SGCZ: variants seen among roughly 807,000 people sequenced by gnomAD.
SGCZ encodes the protein zeta-sarcoglycan.
Under a neutral mutation model 41.3 loss-of-function variants are expected in SGCZ, and 40 were observed. The observed-to-expected ratio is 0.97, with a 90% confidence interval of 0.75 to 1.26. SGCZ has a LOEUF of 1.26. Ranked by LOEUF, SGCZ falls within the 50% of genes most tolerant of loss-of-function variation. The pLI, the probability that SGCZ is intolerant of heterozygous loss-of-function variation, is 0.00. For synonymous variants in SGCZ, 206 were observed against 137.5 expected (o/e 1.50, Z -3.49); for missense variants, 552 against 369.8 (o/e 1.49, Z -4.04).
chr8:14,419,451 C>G (rs1332562298), intron 2 of SGCZ, among the ~76,000 whole-genome samples: 2 of 151,684 alleles, frequency 1.3e-5, no homozygotes, highest in African/African-American at 4.8e-5. Context: ...TCTCATTATA[C>G]TTTTGCTATC....
At chr8:14,524,034 C>T (rs976046498) in intron 2 of SGCZ, among the ~76,000 whole-genome samples, 7 of 151,928 alleles carry the variant, frequency 4.6e-5, no homozygotes, top group Non-Finnish European at 1.5e-5. Flanking sequence ...GAGTTTACTT[C>T]TTTTATTACA....
chr8:14,746,364 C>T (rs1049072805), intron 1 of SGCZ, among the ~76,000 whole-genome samples: 1 of 150,492 alleles, frequency 6.6e-6, no homozygotes, highest in Non-Finnish European at 1.5e-5. Context: ...TCAGAAATAC[C>T]TGAATATGCT....
intron 1 of SGCZ, among the ~76,000 whole-genome samples, chr8:15,161,296 G>T (rs907688005): frequency 2.6e-5 from 4 of 152,072 alleles, no homozygotes; most frequent in African/African-American, 9.7e-5. Context: ...CTCCTGTAAG[G>T]TCTTTCCCAG....
intron 4 of SGCZ, 123 bp from the exon 5 acceptor site, chr8:14,164,825 G>T: frequency 8.3e-7 from 1 of 1,201,428 alleles, no homozygotes; most frequent in Non-Finnish European, 1.1e-6. Flanking sequence ...TGTATGTTTT[G>T]CATCTGAGTT....
At chr8:14,904,213 A>G (rs1799057800) in intron 1 of SGCZ, among the ~76,000 whole-genome samples, 1 of 152,028 alleles carries the variant, frequency 6.6e-6, no homozygotes, top group Admixed American at 6.6e-5. Flanking sequence ...TTCTCTGAAA[A>G]TTCTTCCCCC....
chr8:15,102,746 G>A (rs980920142), intron 1 of SGCZ, among the ~76,000 whole-genome samples: 1 of 152,130 alleles, frequency 6.6e-6, no homozygotes, highest in African/African-American at 2.4e-5. Flanking sequence ...ACCAATTTGT[G>A]TATGGAGATT....
rs562403985 is a variant in SGCZ, at chr8:14,644,580, C to T, written c.40-89654G>A. Among the ~76,000 whole-genome samples the T allele has an allele frequency of 1.6e-4, 25 of 151,774 alleles. No individual in the cohort carries two copies. In the South Asian group the frequency reaches 3.3e-3, roughly 20 times the overall value. On this transcript the variant is annotated intron_variant, in intron 1 of 7. Transcript: ENST00000382080. ...TTTTGTATCTCTGGAGATCCTGATT[C>T]GAAAATCAATGAGTTTTGGGTCAAG...
intron 1 of SGCZ, among the ~76,000 whole-genome samples, chr8:14,555,602 C>A (rs1283385136): frequency 6.6e-6 from 1 of 151,878 alleles, no homozygotes; most frequent in African/African-American, 2.4e-5. Flanking sequence ...TGTCAATTAC[C>A]CCGTCTCAAA....
intron 1 of SGCZ, among the ~76,000 whole-genome samples, chr8:14,849,339 A>AAC (rs1344812862): frequency 6.6e-6 from 1 of 152,146 alleles, no homozygotes; most frequent in Non-Finnish European, 1.5e-5. Context: ...ATATCTCACC[A>AAC]AGAAAAAAAT....
At chr8:14,300,584 G>A (rs761923966) in intron 3 of SGCZ, among the ~76,000 whole-genome samples, 6 of 151,864 alleles carry the variant, frequency 4.0e-5, no homozygotes, top group Non-Finnish European at 7.4e-5. Context: ...AGATTAAATA[G>A]CATGACATAG....
At chr8:14,791,308 G>A (rs1800943813) in intron 1 of SGCZ, among the ~76,000 whole-genome samples, 1 of 151,900 alleles carries the variant, frequency 6.6e-6, no homozygotes, top group Non-Finnish European at 1.5e-5. Context: ...CTGACATTGA[G>A]CACATATGCA....
chr8:14,431,795 C>A (rs755468358), intron 2 of SGCZ, among the ~76,000 whole-genome samples: 13 of 152,140 alleles, frequency 8.5e-5, no homozygotes, highest in Non-Finnish European at 2.9e-5. Flanking sequence ...TGACAATGGA[C>A]TAATATCCAG....
intron 4 of SGCZ, among the ~76,000 whole-genome samples, chr8:14,181,036 C>G (rs140720450): frequency 1.3e-5 from 2 of 152,276 alleles, no homozygotes; most frequent in Middle Eastern, 3.4e-3. Flanking sequence ...CTGAATTTAG[C>G]AAGCGGCTAT....
At chr8:14,386,424 G>T (rs1036033089) in intron 2 of SGCZ, among the ~76,000 whole-genome samples, 1 of 152,068 alleles carries the variant, frequency 6.6e-6, no homozygotes, top group South Asian at 2.1e-4. Context: ...TCTAGAAAGC[G>T]GATTAGAAGC....
At chr8:14,583,676 T>C (rs1804968548) in intron 1 of SGCZ, among the ~76,000 whole-genome samples, 1 of 152,182 alleles carries the variant, frequency 6.6e-6, no homozygotes, top group Admixed American at 6.5e-5. Context: ...TTGAATCCAC[T>C]CTTAAAAATT....
intron 1 of SGCZ, among the ~76,000 whole-genome samples, chr8:15,000,263 C>G: frequency 6.6e-6 from 1 of 152,116 alleles, no homozygotes; most frequent in East Asian, 1.9e-4. Context: ...GAAAATATTT[C>G]TGTTGTTTAA....
chr8:14,554,699 A>G (rs1563407328), intron 2 of SGCZ, 33 bp downstream of exon 2: 1 of 1,560,672 alleles, frequency 6.4e-7, no homozygotes, highest in Non-Finnish European at 8.8e-7. Context: ...CTGAACCAAG[A>G]GCAATAAGAT....
intron 1 of SGCZ, among the ~76,000 whole-genome samples, chr8:15,054,234 T>G: frequency 6.6e-6 from 1 of 152,318 alleles, no homozygotes; most frequent in Non-Finnish European, 1.5e-5. Context: ...TTAATGAAAA[T>G]ATTTTTAAAA....
chr8:15,212,764 T>C (rs1257010322), intron 1 of SGCZ, among the ~76,000 whole-genome samples: 1 of 152,092 alleles, frequency 6.6e-6, no homozygotes, highest in African/African-American at 2.4e-5. Flanking sequence ...AACATGATTA[T>C]TTTAGACATA....
Sources: gnomAD v4.1 joint callset for allele counts (sites outside exome capture counted in the v4.1 genomes callset) on GRCh38, gnomAD v4.1.1 for gene constraint, MANE v1.5 for transcripts, NCBI Gene and HGNC (gene_info 2026-07-23, HGNC 2026-07-21) for gene names.